Variants in SDK2 observed in about 807,000 individuals in gnomAD.
The protein encoded by SDK2 is sidekick cell adhesion molecule 2.
A neutral mutation model predicts 253.9 loss-of-function variants in SDK2; 105 were observed. That is an observed-to-expected ratio of 0.41 (90% CI 0.35 to 0.49). SDK2 has a LOEUF of 0.49. Ranked by LOEUF, SDK2 falls within the 20% of genes least tolerant of loss-of-function variation. The probability of loss-of-function intolerance (pLI) is 0.06; values close to 1 mark genes in which losing one functional copy is unlikely to be tolerated. For missense variants in SDK2, 2,608 were observed against 3,003.0 expected (o/e 0.87, Z 3.07); for synonymous variants, 1,249 against 1,234.9 (o/e 1.01, Z -0.24).
At chr17:73,452,914 C>T (rs923235827) in intron 4 of SDK2, among the ~76,000 whole-genome samples, 4 of 152,184 alleles carry the variant, frequency 2.6e-5, no homozygotes, top group South Asian at 2.1e-4. Context: ...TCAACATCCA[C>T]GCTAAGAAAC....
chr17:73,391,501 C>T lies in SDK2; in HGVS notation c.3936G>A (p.Val1312=). Residue 1312 remains valine (V), a synonymous_variant, in exon 28 of 45, where the codon GTG becomes GTA. Transcript: ENST00000392650. ...GPPMGILFPE[V]RTTSVRLIWQ... ...AGATCAGCCGCACAGACGTGGTCCG[C>T]ACCTCTGGGAACAGGATGCCCATGG... 1 of 1,307,654 alleles carries T rather than the reference C, an allele frequency of 7.6e-7. No individual in the cohort carries two copies. The highest frequency in any genetic ancestry group is 9.8e-7 in the Non-Finnish European group (1 of 1,019,970). 81.0% of individuals were successfully genotyped at this position (1,307,654 alleles called of 1,614,324 possible).
chr17:73,389,614 C>A (rs2062910220), intron 29 of SDK2, among the ~76,000 whole-genome samples: 1 of 152,230 alleles, frequency 6.6e-6, no homozygotes, highest in Non-Finnish European at 1.5e-5. Flanking sequence ...CAAGATCAGG[C>A]AAGGTGCCAG....
chr17:73,441,979 T>C (rs2063419830), intron 5 of SDK2, among the ~76,000 whole-genome samples: 1 of 152,246 alleles, frequency 6.6e-6, no homozygotes, highest in Non-Finnish European at 1.5e-5. Flanking sequence ...AAGAAAAATG[T>C]TCTCTTAACA....
intron 1 of SDK2, among the ~76,000 whole-genome samples, chr17:73,508,294 C>T (rs936773865): frequency 5.9e-5 from 9 of 152,272 alleles, no homozygotes; most frequent in African/African-American, 2.2e-4. Context: ...GCAGACCTCC[C>T]TGCCCCGCCA....
intron 1 of SDK2, among the ~76,000 whole-genome samples, chr17:73,578,068 T>A (rs892415100): frequency 6.6e-6 from 1 of 151,628 alleles, no homozygotes; most frequent in Admixed American, 6.6e-5. Context: ...ATCTTTTTTT[T>A]TTTTTTTTTG....
chr17:73,638,191 G>T (rs562629715), intron 1 of SDK2, among the ~76,000 whole-genome samples: 11 of 152,312 alleles, frequency 7.2e-5, no homozygotes, highest in Admixed American at 4.6e-4. Flanking sequence ...GGGGCCAGAT[G>T]ACCGTGGGCT....
chr17:73,605,583 T>G (rs2045897311), intron 1 of SDK2, among the ~76,000 whole-genome samples: 1 of 152,096 alleles, frequency 6.6e-6, no homozygotes, highest in Admixed American at 6.5e-5. Context: ...TTTCCTGCTC[T>G]CCTTTCCTGA....
At chr17:73,454,062 A>G (rs548529506) in intron 4 of SDK2, among the ~76,000 whole-genome samples, 1 of 152,382 alleles carries the variant, frequency 6.6e-6, no homozygotes, top group Non-Finnish European at 1.5e-5. Flanking sequence ...CCTACAGTAC[A>G]GTAACATGCT....
At chr17:73,632,210 G>T (rs768631861) in intron 1 of SDK2, among the ~76,000 whole-genome samples, 6 of 152,242 alleles carry the variant, frequency 3.9e-5, no homozygotes, top group Non-Finnish European at 8.8e-5. Context: ...GTTCTTGGGT[G>T]TGTCTATGAG....
chr17:73,582,433 T>C (rs1241919055), intron 1 of SDK2, among the ~76,000 whole-genome samples: 1 of 152,180 alleles, frequency 6.6e-6, no homozygotes, highest in African/African-American at 2.4e-5. Flanking sequence ...ACGAACACTT[T>C]GCCTTTTTTT....
At chr17:73,530,325 T>C (rs1362061192) in intron 1 of SDK2, among the ~76,000 whole-genome samples, 3 of 152,162 alleles carry the variant, frequency 2.0e-5, no homozygotes, top group Non-Finnish European at 2.9e-5. Context: ...ACGTCTTACA[T>C]GGTAGCAGGA....
At position 73,592,087 on chromosome 17, in the gene SDK2, C is replaced by T. The variant is rs141866551; in HGVS notation, c.64+51938G>A. ...AAACCTCATGCTGATCCCAGGCTTCCGGACTTCATCTGTCAATAACGATGA... is the reference window on the plus strand; with the variant it reads ...AAACCTCATGCTGATCCCAGGCTTCTGGACTTCATCTGTCAATAACGATGA... On this transcript the variant is annotated intron_variant, in intron 1 of 44. Transcript: ENST00000392650. Among the ~76,000 whole-genome samples, 1,124 of 152,338 alleles carry T rather than the reference C, an allele frequency of 7.4e-3. 6 individuals carry two copies. Among genetic ancestry groups the T allele is most frequent in the Middle Eastern group, 0.017 (5 of 294 alleles).
intron 1 of SDK2, among the ~76,000 whole-genome samples, chr17:73,590,489 C>A (rs1472833738): frequency 5.9e-5 from 9 of 152,248 alleles, no homozygotes; most frequent in African/African-American, 2.2e-4. Flanking sequence ...TGGCTCTGGG[C>A]TGCTCCTTCA....
In SDK2 at chr17:73,545,752, C is replaced by T. The variant is rs1025059199; in HGVS notation, c.65-38155G>A. On this transcript the variant is annotated intron_variant, in intron 1 of 44. Coordinates refer to ENST00000392650, the MANE Select transcript of SDK2 (RefSeq NM_001144952.2). ...AGCTACTCTCAGGAGGGTGACCCAG[C>T]GCTGCAAGGCTGCCCTGGGATGCCC... Among the ~76,000 whole-genome samples, 7 of 152,158 alleles carry T rather than the reference C, an allele frequency of 4.6e-5. No individual in the cohort carries two copies. In the East Asian group the frequency reaches 5.8e-4, roughly 13 times the overall value.
intron 8 of SDK2, among the ~76,000 whole-genome samples, chr17:73,436,199 G>GC (rs1475271218): frequency 6.6e-6 from 1 of 152,194 alleles, no homozygotes; most frequent in African/African-American, 2.4e-5. Context: ...GCACTTGGAA[G>GC]CCCCCCATAC....
At chr17:73,487,886 C>T (rs966316686) in intron 2 of SDK2, among the ~76,000 whole-genome samples, 3 of 152,192 alleles carry the variant, frequency 2.0e-5, no homozygotes, top group Admixed American at 6.5e-5. Flanking sequence ...TTAACAACCT[C>T]GGCTGTGGCT....
At chr17:73,412,019 CGT>C (rs1568389176) in intron 18 of SDK2, among the ~76,000 whole-genome samples, 67 of 49,030 alleles carry the variant, frequency 1.4e-3, no homozygotes, top group African/African-American at 5.3e-3. Flanking sequence ...TGTAGATATA[CGT>C]ATATGTATAT....
At chr17:73,579,703 G>T (rs374219892) in intron 1 of SDK2, among the ~76,000 whole-genome samples, 2 of 152,204 alleles carry the variant, frequency 1.3e-5, no homozygotes, top group African/African-American at 2.4e-5. Flanking sequence ...GAGGCTGGAC[G>T]CGGTGGCTCA....
At chr17:73,464,053 T>C (rs1250239540) in intron 3 of SDK2, among the ~76,000 whole-genome samples, 1 of 152,198 alleles carries the variant, frequency 6.6e-6, no homozygotes, top group African/African-American at 2.4e-5. Flanking sequence ...GGAATGGTAC[T>C]TTGTTGTGGT....
Sources: allele counts gnomAD v4.1 joint callset (sites outside exome capture counted in the v4.1 genomes callset), GRCh38; gene constraint gnomAD v4.1.1; transcripts MANE v1.5; gene names NCBI Gene and HGNC (gene_info 2026-07-23, HGNC 2026-07-21).